LRP1: variants seen among roughly 807,000 people sequenced by gnomAD.
LRP1 encodes LDL receptor related protein 1, also known as prolow-density lipoprotein receptor-related protein 1.
In LRP1, 51 loss-of-function variants were observed where a neutral mutation model predicts 541.5. The ratio of observed to expected loss-of-function variants is 0.09; its 90% CI spans 0.08 to 0.12. The LOEUF (loss-of-function observed/expected upper bound fraction) is 0.12, where lower values mean the gene tolerates loss of function less well. Among genes scored for constraint, LRP1 ranks in the 10% least tolerant of loss-of-function variants. LRP1 has a pLI of 1.00. For missense variants in LRP1, 3,878 were observed against 6,376.2 expected, an observed-to-expected ratio of 0.61 and a Z score of 13.34; for synonymous variants, 2,219 against 2,470.8, an observed-to-expected ratio of 0.90 and a Z score of 3.02.
rs142721778 is a variant in LRP1 at position 57,201,822 on chromosome 12, C to T, written c.10511C>T (p.Ser3504Leu). The T allele has an allele frequency of 2.8e-5, 45 of 1,613,918 alleles. No individual in the cohort carries two copies. In the African/African-American group the frequency reaches 4.1e-4, roughly 15 times the overall value. ...GTGGACGAGTTCCGCTGCAAGGATT[C>T]GGGCCGCTGCATCCCAGCGCGTTGG... Reference protein sequence around the residue: ...CGVDEFRCKDSGRCIPARWKC... With the variant: ...CGVDEFRCKDLGRCIPARWKC... Residue 3504 changes from serine (S) to leucine (L), a missense_variant, in exon 67 of 89, where the codon TCG (serine) becomes TTG (leucine). Physicochemically the swap from Ser to Leu is moderately radical, Grantham distance 145. Around this residue, in one of 13 missense-constraint regions of LRP1, gnomAD observed 278 missense variants for 536.3 expected, o/e 0.52. Coordinates refer to ENST00000243077, the MANE Select transcript of LRP1 (RefSeq NM_002332.3). This position sits in a 1 kb window ranked among gnomAD's most constrained non-coding sequence, Gnocchi z 6.4.
chr12:57,179,415 T>G lies in LRP1; in HGVS notation c.4825T>G (p.Phe1609Val). 1 of 1,614,164 alleles carries G rather than the reference T, an allele frequency of 6.2e-7. No homozygotes were observed. The highest frequency in any genetic ancestry group is 8.5e-7 in the Non-Finnish European group (1 of 1,179,982). Reference sequence around the variant, plus strand: ...TCCCTACTACAACTACATCATCTCCTTCACGGTGCCCGACATCGACAACGT... The same window carrying G: ...TCCCTACTACAACTACATCATCTCCGTCACGGTGCCCGACATCGACAACGT... ...DAPYYNYIISFTVPDIDNVTV... is the reference protein window; with the variant it reads ...DAPYYNYIISVTVPDIDNVTV... The change falls in exon 29 of 89, where the codon TTC (phenylalanine) becomes GTC (valine). Residue 1609 changes from phenylalanine to valine, a missense_variant. By Grantham distance (50) the Phe-to-Val change is conservative (BLOSUM62 -1). This residue lies in a region of LRP1 where 394 missense variants were observed against 635.9 expected (regional missense o/e 0.62). Transcript: ENST00000243077. The surrounding 1 kb of genome is among the most constrained non-coding windows in gnomAD (Gnocchi z 6.8).
intron 31 of LRP1, 51 bp from the exon 32 acceptor site, chr12:57,180,279 G>C (rs776464556): frequency 1.2e-6 from 2 of 1,606,516 alleles, no homozygotes; most frequent in Non-Finnish European, 1.7e-6. Context: ...TCCCTTCCCT[G>C]GATCCCCAGC....
rs773198649 is a variant in LRP1 at position 57,202,411 on chromosome 12, C to T, written c.10595-10C>T. ...CTTTCCCTGACTGCCCTGACACTTG[C>T]CTCCTCCAGATGAACGCACCTGTGA... On this transcript the variant is annotated splice_polypyrimidine_tract_variant and intron_variant, in intron 67 of 88. Transcript: ENST00000243077. The T allele has an allele frequency of 1.9e-6, 3 of 1,601,410 alleles. 1 individual carries two copies. The South Asian group carries it at 3.3e-5, about 18-fold the overall frequency.
Position 57,158,646 on chromosome 12 carries a change from C to A in LRP1, c.1798+8C>A. 6.2e-7 allele frequency: 1 copy of A among 1,612,550 alleles called. No individual in the cohort carries two copies. Among genetic ancestry groups the A allele is most frequent in the Non-Finnish European group, 8.5e-7 (1 of 1,178,658 alleles). On this transcript the variant is annotated splice_region_variant and intron_variant, in intron 11 of 88. Transcript: ENST00000243077. This position sits in a 1 kb window ranked among gnomAD's most constrained non-coding sequence, Gnocchi z 5.3. The stretch of plus-strand genomic sequence containing the variant: ...AGACCATCCTGAAGGACGGTATGGG[C>A]TCCTAGGGATGTGGCCCATGGGGAT...
At position 57,185,715 on chromosome 12, in the gene LRP1, T is replaced by C. The variant is rs2036256354; in HGVS notation, c.6648T>C (p.Asp2216=). 1.2e-6 allele frequency: 2 copies of C among 1,614,074 alleles called. No homozygotes were observed. The highest frequency in any genetic ancestry group is 1.3e-5 in the African/African-American group (1 of 74,934). The part of the protein sequence containing the change: ...RTILKSIHLS[D]ERNLNAPVQP... ...TTCTCAAGAGTATCCACCTGTCGGATGAGCGCAACCTCAATGCGCCCGTGC... is the reference window on the plus strand; with the variant it reads ...TTCTCAAGAGTATCCACCTGTCGGACGAGCGCAACCTCAATGCGCCCGTGC... Residue 2216 remains aspartate, a synonymous_variant, in exon 41 of 89, where the codon GAT becomes GAC. Coordinates refer to ENST00000243077, the MANE Select transcript of LRP1 (RefSeq NM_002332.3). This position sits in a 1 kb window ranked among gnomAD's most constrained non-coding sequence, Gnocchi z 4.9.
intron 48 of LRP1, among the ~76,000 whole-genome samples, 162 bp downstream of exon 48, chr12:57,194,174 C>T (rs528097333): frequency 1.3e-5 from 2 of 152,334 alleles, no homozygotes; most frequent in South Asian, 4.1e-4. Flanking sequence ...CCCGCTCCTG[C>T]TCCTGGGCTC....
intron 17 of LRP1, 100 bp downstream of exon 17, chr12:57,166,309 C>T: frequency 2.1e-6 from 3 of 1,430,844 alleles, no homozygotes; most frequent in Non-Finnish European, 2.8e-6. Context: ...AATCTCAGCA[C>T]TTTGGGAGGC....
chr12:57,130,206 A>G (rs2035009515), intron 1 of LRP1, among the ~76,000 whole-genome samples: 1 of 152,112 alleles, frequency 6.6e-6, no homozygotes, highest in African/African-American at 2.4e-5. Flanking sequence ...CCTCTCATCC[A>G]AAGACAAAAC....
chr12:57,153,177 G>A (rs1386984946), intron 6 of LRP1, among the ~76,000 whole-genome samples: 1 of 152,186 alleles, frequency 6.6e-6, no homozygotes, highest in Non-Finnish European at 1.5e-5. Context: ...CAGTTTGCAA[G>A]AGGCACCATC....
At position 57,205,654 on chromosome 12, in the gene LRP1, C is replaced by T. The variant is rs747715215; in HGVS notation, c.11567C>T (p.Thr3856Met). Residue 3856 changes from threonine to methionine, a missense_variant, in exon 75 of 89, where the codon ACG (threonine) becomes ATG (methionine). Coordinates refer to ENST00000243077, the MANE Select transcript of LRP1 (RefSeq NM_002332.3). The surrounding 1 kb of genome is among the most constrained non-coding windows in gnomAD (Gnocchi z 4.6). Reference protein sequence around the residue: ...LCSCARNFMKTHNTCKAEGSE... With the variant: ...LCSCARNFMKMHNTCKAEGSE... Reference sequence around the variant, plus strand: ...AGCTGCGCTCGGAACTTCATGAAGACGCACAACACCTGCAAGGCCGAAGGT... The same window carrying T: ...AGCTGCGCTCGGAACTTCATGAAGATGCACAACACCTGCAAGGCCGAAGGT... The T allele has an allele frequency of 1.1e-5, 17 of 1,612,610 alleles. No individual in the cohort carries two copies. Among genetic ancestry groups the T allele is most frequent in the East Asian group, 2.2e-5 (1 of 44,888 alleles).
chr12:57,182,199 G>C (rs1036553706), intron 34 of LRP1, among the ~76,000 whole-genome samples: 2 of 152,146 alleles, frequency 1.3e-5, no homozygotes, highest in African/African-American at 4.8e-5. Context: ...AGGTGCATGG[G>C]TAGTGGTGCC....
In LRP1 at chr12:57,210,374, G is replaced by A. The variant is rs1393463798; in HGVS notation, c.12648G>A (p.Arg4216=). 1 of 1,605,414 alleles carries A rather than the reference G, an allele frequency of 6.2e-7. No homozygotes were observed. Among genetic ancestry groups the A allele is most frequent in the Admixed American group, 1.7e-5 (1 of 59,200 alleles). ...GCAGCTGTTTCCTCAATGCACGGAG[G>A]CAGCCCAAGTGCCGCTGCCAACCCC... The part of the protein sequence containing the change: ...NGGSCFLNAR[R]QPKCRCQPRY... Residue 4216 remains arginine (R), a synonymous_variant, in exon 82 of 89, where the codon AGG becomes AGA. Coordinates refer to ENST00000243077, the MANE Select transcript of LRP1 (RefSeq NM_002332.3).
In LRP1 at chr12:57,209,066, GCT is replaced by G. The variant is rs754802103; in HGVS notation, c.12146-7_12146-6del. ...GTTGGGGAGGCCAAGCTCTCACAGT[GCT>G]CTCTCTCTCCCCAGGCCTGGCCGTG... On this transcript the variant is annotated splice_polypyrimidine_tract_variant and intron_variant, in intron 78 of 88. Transcript: ENST00000243077. The G allele has an allele frequency of 5.6e-6, 9 of 1,594,622 alleles. No homozygotes were observed. Among genetic ancestry groups the G allele is most frequent in the East Asian group, 4.5e-5 (2 of 44,620 alleles).
In LRP1 at chr12:57,167,315, G is replaced by T. The variant is rs2035859124; in HGVS notation, c.2915-129G>T. On this transcript the variant is annotated intron_variant, in intron 18 of 88. Transcript: ENST00000243077. The stretch of plus-strand genomic sequence containing the variant: ...GTTTCCAGCCGAGGCACTGCTGCGG[G>T]GCCTTCCCCACCCTTCCTGACTGGG... 3 of 731,072 alleles carry T rather than the reference G, an allele frequency of 4.1e-6. No individual in the cohort carries two copies. The South Asian group carries it at 4.9e-5, about 12-fold the overall frequency. The allele number at this position is 731,072 out of a possible 1,614,324, so 45.3% of individuals were successfully genotyped here. A position where few individuals can be genotyped will look rare whatever the true frequency, so the allele number is the denominator to read the frequency against.
At position 57,205,289 on chromosome 12, in the gene LRP1, GGA is replaced by G. The variant is rs764757297; in HGVS notation, c.11335+44_11335+45del. 1 of 1,596,836 alleles carries G rather than the reference GGA, an allele frequency of 6.3e-7. No homozygotes were observed. The highest frequency in any genetic ancestry group is 8.6e-7 in the Non-Finnish European group (1 of 1,168,992). ...CGGACCGGACGCTGGTGGGGAGTGGGGAGAGCCAAGCCCTGGCCTGGGGTGGC... is the reference window on the plus strand; with the variant it reads ...CGGACCGGACGCTGGTGGGGAGTGGGGAGCCAAGCCCTGGCCTGGGGTGGC... On this transcript the variant is annotated intron_variant, in intron 73 of 88. Transcript: ENST00000243077. The surrounding 1 kb of genome is among the most constrained non-coding windows in gnomAD (Gnocchi z 4.6).
rs2036778378 is a variant in LRP1 at position 57,206,336 on chromosome 12, G to A, written c.11591-137G>A. On this transcript the variant is annotated intron_variant, in intron 75 of 88. Coordinates refer to ENST00000243077, the MANE Select transcript of LRP1 (RefSeq NM_002332.3). The surrounding 1 kb of genome is among the most constrained non-coding windows in gnomAD (Gnocchi z 4.7). ...GGTTGGAGCCTGCAACCCTGAGCAG[G>A]GAGGGTAAGCAGCAGCTTCTGGCCG... 3.4e-6 allele frequency: 3 copies of A among 881,468 alleles called. No individual in the cohort carries two copies. The highest frequency in any genetic ancestry group is 1.8e-6 in the Non-Finnish European group (1 of 569,762). The allele number at this position is 881,468 out of a possible 1,614,324, so 54.6% of individuals were successfully genotyped here.
At position 57,165,366 on chromosome 12, in the gene LRP1, C is replaced by T. The variant is rs1266328210; in HGVS notation, c.2531-439C>T. The T allele has an allele frequency of 3.6e-5, 6 of 167,952 alleles. No homozygotes were observed. The highest frequency in any genetic ancestry group is 1.1e-4 in the Admixed American group (2 of 17,904). The allele number at this position is 167,952 out of a possible 1,614,324, so 10.4% of individuals were successfully genotyped here. On this transcript the variant is annotated intron_variant, in intron 15 of 88. Transcript: ENST00000243077. The surrounding 1 kb of genome is among the most constrained non-coding windows in gnomAD (Gnocchi z 4.5). Reference sequence around the variant, plus strand: ...GGGGACAGGATGGGTGGAGCCTGCGCGGATGTGGTGCCATCTTCACTTCTG... The same window carrying T: ...GGGGACAGGATGGGTGGAGCCTGCGTGGATGTGGTGCCATCTTCACTTCTG...
At chr12:57,149,872 C>T (rs1485571055) in intron 6 of LRP1, 1 of 655,304 alleles carries the variant, frequency 1.5e-6, no homozygotes, top group Non-Finnish European at 2.8e-6. Context: ...AGACTCTCCG[C>T]CATCTCTCCC....
chr12:57,162,524 T>C lies in LRP1; in HGVS notation c.2404+6T>C, dbSNP rs1207238412. On this transcript the variant is annotated splice_donor_region_variant and intron_variant, in intron 14 of 88. Coordinates refer to ENST00000243077, the MANE Select transcript of LRP1 (RefSeq NM_002332.3). This position sits in a 1 kb window ranked among gnomAD's most constrained non-coding sequence, Gnocchi z 5.2. ...TGATGCCCAGCAGCAGCAAGGTACCTCCTTGGGGCTGGGGGCAGCGTGGGA... is the reference window on the plus strand; with the variant it reads ...TGATGCCCAGCAGCAGCAAGGTACCCCCTTGGGGCTGGGGGCAGCGTGGGA... 10 of 1,613,302 alleles carry C rather than the reference T, an allele frequency of 6.2e-6. No homozygotes were observed. Among genetic ancestry groups the C allele is most frequent in the Non-Finnish European group, 8.5e-6 (10 of 1,179,892 alleles).
Sources: allele counts gnomAD v4.1 joint callset (sites outside exome capture counted in the v4.1 genomes callset), GRCh38; gene constraint gnomAD v4.1.1; regional missense constraint gnomAD v4.1.1; non-coding constraint Gnocchi (gnomAD v3.1); transcripts MANE v1.5; gene names NCBI Gene and HGNC (gene_info 2026-07-23, HGNC 2026-07-21).